Variants in COL9A1 observed in about 807,000 individuals in gnomAD.
COL9A1 encodes the protein collagen alpha-1(IX) chain.
A neutral mutation model predicts 142.6 loss-of-function variants in COL9A1; 104 were observed. The ratio of observed to expected loss-of-function variants is 0.73; its 90% CI spans 0.62 to 0.86. COL9A1 has a LOEUF of 0.86. Among genes scored for constraint, COL9A1 ranks in the 40% least tolerant of loss-of-function variants. The probability of loss-of-function intolerance (pLI) is 0.00; values close to 1 mark genes in which losing one functional copy is unlikely to be tolerated. For missense variants in COL9A1, 1,210 were observed against 1,176.6 expected (o/e 1.03, Z -0.42); for synonymous variants, 466 against 396.0 (o/e 1.18, Z -2.10).
chr6:70,290,245 G>A (rs1391276286), intron 5 of COL9A1, among the ~76,000 whole-genome samples: 1 of 152,034 alleles, frequency 6.6e-6, no homozygotes, highest in East Asian at 1.9e-4. Flanking sequence ...ATTCTCCTAG[G>A]CTATCATGCT....
At chr6:70,240,663 C>T in intron 32 of COL9A1, 26 bp downstream of exon 32, 1 of 1,593,636 alleles carries the variant, frequency 6.3e-7, no homozygotes, top group Non-Finnish European at 8.6e-7. Flanking sequence ...AAAGCTTCAT[C>T]ATTAACCAGA....
chr6:70,234,620 T>C, intron 34 of COL9A1, 27 bp from the exon 35 acceptor site: 1 of 1,613,810 alleles, frequency 6.2e-7, no homozygotes, highest in Non-Finnish European at 8.5e-7. Flanking sequence ...AAAAAGGCAG[T>C]TTATGCATGA....
At chr6:70,263,401 G>T in intron 18 of COL9A1, 104 bp from the exon 19 acceptor site, 1 of 893,300 alleles carries the variant, frequency 1.1e-6, no homozygotes, top group South Asian at 1.7e-5. Context: ...TTAACTTGGT[G>T]ACTCCTGAAT....
chr6:70,285,847 G>A (rs1427760101), intron 5 of COL9A1, among the ~76,000 whole-genome samples: 1 of 152,192 alleles, frequency 6.6e-6, no homozygotes, highest in Non-Finnish European at 1.5e-5. Context: ...CCTCACATCT[G>A]CCCAGATTTA....
In COL9A1 at chr6:70,263,299, TAAAGAAAAA is replaced by T. The variant is rs774856588; in HGVS notation, c.1342-11_1342-3del. On this transcript the variant is annotated splice_region_variant and splice_polypyrimidine_tract_variant and intron_variant, in intron 18 of 37. Transcript: ENST00000357250. ...TTCTCCCTGGTCACCTTCTTCACCC[TAAAGAAAAA>T]AAAGAAAAAAGAAAAGCACACCAAA... The T allele has an allele frequency of 1.9e-6, 3 of 1,607,068 alleles. No individual in the cohort carries two copies. Among genetic ancestry groups the T allele is most frequent in the South Asian group, 2.2e-5 (2 of 89,234 alleles).
At chr6:70,291,339 G>A (rs890708655) in intron 5 of COL9A1, among the ~76,000 whole-genome samples, 1 of 152,140 alleles carries the variant, frequency 6.6e-6, no homozygotes, top group Non-Finnish European at 1.5e-5. Context: ...CCTAGATGAT[G>A]TTTTCATCCC....
downstream of COL9A1, chr6:70,216,106 A>T (rs1438600578): frequency 6.6e-6 from 1 of 152,670 alleles, no homozygotes; most frequent in Non-Finnish European, 1.5e-5. Context: ...ATGATTATTT[A>T]TAAGAAAACA....
intron 28 of COL9A1, among the ~76,000 whole-genome samples, chr6:70,250,189 A>C (rs1013746596): frequency 2.6e-5 from 4 of 152,108 alleles, no homozygotes; most frequent in Non-Finnish European, 5.9e-5. Flanking sequence ...TGAACCCAGG[A>C]GGTGGAGATT....
At chr6:70,221,107 TTA>T (rs1491202468) in intron 37 of COL9A1, among the ~76,000 whole-genome samples, 1 of 152,158 alleles carries the variant, frequency 6.6e-6, no homozygotes, top group African/African-American at 2.4e-5. Context: ...CGTTTTTTTT[TTA>T]AACAAATGAA....
At position 70,216,891 on chromosome 6, in the gene COL9A1, A is replaced by G; in HGVS notation, c.*6T>C. The G allele has an allele frequency of 6.2e-7, 1 of 1,613,884 alleles. No individual in the cohort carries two copies. The highest frequency in any genetic ancestry group is 1.3e-5 in the African/African-American group (1 of 75,028). On this transcript the variant is annotated 3_prime_UTR_variant, in exon 38 of 38. Transcript: ENST00000357250. ...TCATGCAGACAGCCATGCAGCAGTA[A>G]GCCTTTCAAGGGTCAGGCCCTTTGT...
At chr6:70,238,763 G>A (rs770372877) in intron 33 of COL9A1, among the ~76,000 whole-genome samples, 1 of 152,160 alleles carries the variant, frequency 6.6e-6, no homozygotes, top group Non-Finnish European at 1.5e-5. Context: ...TTTACACAGT[G>A]GTGAGGTATT....
intron 1 of COL9A1, 77 bp from the exon 2 acceptor site, chr6:70,302,151 T>C (rs1425966299): frequency 1.1e-5 from 9 of 845,118 alleles, no homozygotes; most frequent in Non-Finnish European, 1.8e-5. Context: ...TCAAACCTAG[T>C]AAACCTAATT....
chr6:70,262,698 T>C (rs1000759956), intron 19 of COL9A1, among the ~76,000 whole-genome samples: 2 of 152,228 alleles, frequency 1.3e-5, no homozygotes, highest in African/African-American at 4.8e-5. Flanking sequence ...ACATTTGAAA[T>C]TGAAGTTTGA....
At chr6:70,239,389 T>C in intron 32 of COL9A1, 103 bp from the exon 33 acceptor site, 1 of 835,744 alleles carries the variant, frequency 1.2e-6, no homozygotes, top group Non-Finnish European at 2.0e-6. Flanking sequence ...CGGAAAACCA[T>C]GAACAGATTA....
chr6:70,255,025 A>C lies in COL9A1; in HGVS notation c.1612-9T>G, dbSNP rs2127576782. The C allele has an allele frequency of 6.2e-7, 1 of 1,614,048 alleles. No homozygotes were observed. The highest frequency in any genetic ancestry group is 2.2e-5 in the East Asian group (1 of 44,878). On this transcript the variant is annotated splice_polypyrimidine_tract_variant and intron_variant, in intron 23 of 37. Transcript: ENST00000357250. Reference sequence around the variant, plus strand: ...TCCACACCTGGCAAACCCTAAACACACACAAAGAAACATACTGTCTCTTAC... The same window carrying C: ...TCCACACCTGGCAAACCCTAAACACCCACAAAGAAACATACTGTCTCTTAC...
At chr6:70,281,158 G>A (rs963047410) in intron 8 of COL9A1, 119 bp from the exon 9 acceptor site, 81 of 915,088 alleles carry the variant, frequency 8.9e-5, no homozygotes, top group Non-Finnish European at 1.2e-4. Context: ...GTCAAACGTG[G>A]AGGTTCATGA....
At chr6:70,217,114 G>A in intron 37 of COL9A1, 33 bp from the exon 38 acceptor site, 1 of 1,610,772 alleles carries the variant, frequency 6.2e-7, no homozygotes, top group Non-Finnish European at 8.5e-7. Context: ...CATGTGAACA[G>A]GAGAATCCTC....
At chr6:70,277,676 A>G (rs1350871672) in intron 10 of COL9A1, among the ~76,000 whole-genome samples, 1 of 152,252 alleles carries the variant, frequency 6.6e-6, no homozygotes, top group African/African-American at 2.4e-5. Context: ...GCTTACTTCT[A>G]CAAGCATGAC....
At chr6:70,280,915 G>T in intron 9 of COL9A1, 41 bp from the exon 10 acceptor site, 2 of 1,613,406 alleles carry the variant, frequency 1.2e-6, no homozygotes, top group South Asian at 1.1e-5. Context: ...GAGAGAAAAA[G>T]GTGCAAAGTT....
Sources: allele counts gnomAD v4.1 joint callset (sites outside exome capture counted in the v4.1 genomes callset), GRCh38; gene constraint gnomAD v4.1.1; transcripts MANE v1.5; gene names NCBI Gene and HGNC (gene_info 2026-07-23, HGNC 2026-07-21).